Variants in TRAF3 observed in about 807,000 individuals in gnomAD.
TRAF3 encodes TNF receptor associated factor 3, also known as TNF receptor-associated factor 3.
Under a neutral mutation model 62.3 loss-of-function variants are expected in TRAF3, and 13 were observed. The ratio of observed to expected loss-of-function variants is 0.21; its 90% CI spans 0.14 to 0.33. The LOEUF is 0.33. TRAF3 is among the 10% of genes least tolerant of loss of function. The pLI, the probability that TRAF3 is intolerant of heterozygous loss-of-function variation, is 1.00. For missense variants in TRAF3, 440 were observed against 741.8 expected (o/e 0.59, Z 4.73); for synonymous variants, 269 against 283.4 (o/e 0.95, Z 0.51).
intron 2 of TRAF3, among the ~76,000 whole-genome samples, chr14:102,865,593 A>C (rs1304730012): frequency 6.7e-6 from 1 of 148,188 alleles, no homozygotes; most frequent in African/African-American, 2.5e-5. Flanking sequence ...TCTGCCTCCC[A>C]GGTTCAAGCA....
At chr14:102,843,036 C>A (rs371928150) in intron 2 of TRAF3, among the ~76,000 whole-genome samples, 1 of 151,734 alleles carries the variant, frequency 6.6e-6, no homozygotes, top group Non-Finnish European at 1.5e-5. Context: ...GGTGAAACCT[C>A]GTCTCTACTA....
At chr14:102,816,069 A>G (rs1366518743) in intron 1 of TRAF3, among the ~76,000 whole-genome samples, 2 of 152,146 alleles carry the variant, frequency 1.3e-5, no homozygotes, top group African/African-American at 4.8e-5. Flanking sequence ...CCAATTGACC[A>G]TAAATATAAG....
rs547706028 is a variant in TRAF3 at position 102,834,187 on chromosome 14, C to T, written c.-18+3715C>T. Among the ~76,000 whole-genome samples the T allele has an allele frequency of 1.7e-3, 263 of 152,190 alleles. 1 individual carries two copies. Among genetic ancestry groups the T allele is most frequent in the African/African-American group, 6.2e-3 (256 of 41,538 alleles). On this transcript the variant is annotated intron_variant, in intron 2 of 11. Transcript: ENST00000392745. ...GAACAAAGCTGGAGGCATTCTGTTACGCAACTTCAGACTATACTACATGGC... is the reference window on the plus strand; with the variant it reads ...GAACAAAGCTGGAGGCATTCTGTTATGCAACTTCAGACTATACTACATGGC...
intron 7 of TRAF3, among the ~76,000 whole-genome samples, chr14:102,886,782 CTG>C (rs1002160361): frequency 1.3e-5 from 2 of 152,074 alleles, no homozygotes; most frequent in African/African-American, 4.8e-5. Flanking sequence ...CAAAACTACA[CTG>C]TGGTAAATTC....
chr14:102,813,558 C>G (rs1355567090), intron 1 of TRAF3, among the ~76,000 whole-genome samples: 1 of 151,484 alleles, frequency 6.6e-6, no homozygotes, highest in African/African-American at 2.4e-5. Context: ...TCAAGTGATT[C>G]TCCTGCCTCA....
chr14:102,829,175 A>G (rs769597757), intron 1 of TRAF3, among the ~76,000 whole-genome samples: 1 of 152,188 alleles, frequency 6.6e-6, no homozygotes, highest in Non-Finnish European at 1.5e-5. Context: ...GTGGTAATTT[A>G]TATGTCCAAT....
At chr14:102,902,188 C>T (rs528831572) in intron 10 of TRAF3, among the ~76,000 whole-genome samples, 1 of 152,376 alleles carries the variant, frequency 6.6e-6, no homozygotes, top group African/African-American at 2.4e-5. Flanking sequence ...TTACTGGCAG[C>T]CTCGTGTGTT....
rs1007294891 is a variant in TRAF3, at chr14:102,876,861, C to T, written c.570+336C>T. Among the ~76,000 whole-genome samples, 13 of 150,438 alleles carry T rather than the reference C, an allele frequency of 8.6e-5. No homozygotes were observed. In the East Asian group the frequency reaches 1.6e-3, roughly 18 times the overall value. On this transcript the variant is annotated intron_variant, in intron 6 of 11. Transcript: ENST00000392745. ...CCTTCCGCTCAGTTCATAGATAATC[C>T]GTTCCACAGGACTTCTGCTCAGTTC...
intron 6 of TRAF3, among the ~76,000 whole-genome samples, chr14:102,884,838 T>C (rs952017622): frequency 6.6e-6 from 1 of 151,826 alleles, no homozygotes; most frequent in African/African-American, 2.4e-5. Flanking sequence ...AAAGCACATA[T>C]ATATGTGCTT....
chr14:102,788,432 T>C (rs1595281787), intron 1 of TRAF3, among the ~76,000 whole-genome samples: 1 of 151,706 alleles, frequency 6.6e-6, no homozygotes, highest in South Asian at 2.1e-4. Context: ...GAGGCTGGGG[T>C]GGGAGGATCA....
At position 102,838,112 on chromosome 14, in the gene TRAF3, G is replaced by A. The variant is rs577651243; in HGVS notation, c.-18+7640G>A. On this transcript the variant is annotated intron_variant, in intron 2 of 11. Coordinates refer to ENST00000392745, the MANE Select transcript of TRAF3 (RefSeq NM_145725.3). ...CCGCTGTGCCGCTTAGTAACGTATC[G>A]TGTTGTGAAGCTGCTGAATCTTCGT... Among the ~76,000 whole-genome samples, 22 of 152,342 alleles carry A rather than the reference G, an allele frequency of 1.4e-4. No individual in the cohort carries two copies. In the South Asian group the frequency reaches 2.1e-3, roughly 14 times the overall value.
At chr14:102,869,094 C>G (rs1888176961) in intron 2 of TRAF3, among the ~76,000 whole-genome samples, 1 of 152,244 alleles carries the variant, frequency 6.6e-6, no homozygotes, top group South Asian at 2.1e-4. Flanking sequence ...CCCCCTCATG[C>G]ACACAGGGAG....
At chr14:102,849,952 T>C (rs1886940455) in intron 2 of TRAF3, among the ~76,000 whole-genome samples, 1 of 152,216 alleles carries the variant, frequency 6.6e-6, no homozygotes, top group South Asian at 2.1e-4. Flanking sequence ...GTTTTGTGCT[T>C]TCTTGCGGCA....
At chr14:102,900,151 C>CCA (rs1890207217) in intron 10 of TRAF3, among the ~76,000 whole-genome samples, 2 of 114,254 alleles carry the variant, frequency 1.8e-5, no homozygotes, top group Admixed American at 2.5e-4. Context: ...TGCAGTCAGG[C>CCA]GTGGGAGAAA....
At chr14:102,831,335 ATTGACATAACAAGGTGACTTCTG>A (rs1173560871) in intron 2 of TRAF3, among the ~76,000 whole-genome samples, 1 of 152,222 alleles carries the variant, frequency 6.6e-6, no homozygotes, top group Non-Finnish European at 1.5e-5. Flanking sequence ...TGAGCAGGGC[ATTGACATAACAAGGTGACTTCTG>A]TTTTCTGAGT....
chr14:102,891,342 C>A lies in TRAF3; in HGVS notation c.744C>A (p.Ile248=), dbSNP rs2139944176. The change falls in exon 9 of 12, where the codon ATC becomes ATA. Residue 248 remains isoleucine (I), a synonymous_variant. Coordinates refer to ENST00000392745, the MANE Select transcript of TRAF3 (RefSeq NM_145725.3). ...GCVFQGTNQQ[I]KAHEASSAVQ... The stretch of plus-strand genomic sequence containing the variant: ...TCTCGCAGGGGACAAACCAGCAGAT[C>A]AAGGCCCACGAGGCCAGCTCCGCCG... The A allele has an allele frequency of 6.2e-7, 1 of 1,613,318 alleles. No homozygotes were observed. The highest frequency in any genetic ancestry group is 8.5e-7 in the Non-Finnish European group (1 of 1,179,874).
intron 7 of TRAF3, 111 bp from the exon 8 acceptor site, chr14:102,889,449 C>A: frequency 1.8e-6 from 2 of 1,108,740 alleles, no homozygotes; most frequent in Non-Finnish European, 2.7e-6. Flanking sequence ...ACACCTGTAG[C>A]GATAAACACC....
chr14:102,811,321 G>GA (rs1304462880), intron 1 of TRAF3, among the ~76,000 whole-genome samples: 12 of 149,680 alleles, frequency 8.0e-5, no homozygotes, highest in Admixed American at 8.0e-4. Context: ...TTTCTTAAGA[G>GA]AGAGTCTTGC....
intron 2 of TRAF3, among the ~76,000 whole-genome samples, chr14:102,843,127 C>T (rs888351977): frequency 9.3e-5 from 14 of 150,960 alleles, no homozygotes; most frequent in African/African-American, 3.2e-4. Context: ...TGCTTGAACC[C>T]GGGAGGCAGA....
Sources: allele counts gnomAD v4.1 joint callset (sites outside exome capture counted in the v4.1 genomes callset), GRCh38; gene constraint gnomAD v4.1.1; transcripts MANE v1.5; gene names NCBI Gene and HGNC (gene_info 2026-07-23, HGNC 2026-07-21).